Variants in ZNF44 observed in about 807,000 individuals in gnomAD.
The protein encoded by ZNF44 is zinc finger protein 44.
ZNF44 carries 9 observed loss-of-function variants against 11.7 expected under a neutral mutation model. That is an observed-to-expected ratio of 0.77 (90% CI 0.46 to 1.35). The LOEUF (loss-of-function observed/expected upper bound fraction) is 1.35. Among genes scored for constraint, ZNF44 ranks in the 40% most tolerant of loss-of-function variants. ZNF44 has a pLI of 0.00. For synonymous variants in ZNF44, 224 were observed against 242.7 expected (o/e 0.92, Z 0.72); for missense variants, 696 against 743.1 (o/e 0.94, Z 0.74).
At chr19:12,225,910 A>T (rs1915896866), downstream of ZNF44, among the ~76,000 whole-genome samples, 1 of 152,178 alleles carries the variant, frequency 6.6e-6, no homozygotes. Context: ...TCAAGTTTTC[A>T]GTTTATAGGG....
chr19:12,225,208 G>A (rs1915865261), downstream of ZNF44: 1 of 152,368 alleles, frequency 6.6e-6, no homozygotes, highest in African/African-American at 2.4e-5. Context: ...GTTGGTAGGA[G>A]CAGTGCCGTC....
At chr19:12,287,095 A>G (rs1405976970) in intron 1 of ZNF44, among the ~76,000 whole-genome samples, 1 of 151,102 alleles carries the variant, frequency 6.6e-6, no homozygotes, top group African/African-American at 2.4e-5. Context: ...ATATATATAT[A>G]TTCATGGAGT....
chr19:12,257,798 C>CAAA (rs1221289652), intron 5 of ZNF44, among the ~76,000 whole-genome samples: 3 of 53,668 alleles, frequency 5.6e-5, no homozygotes, highest in African/African-American at 1.3e-4. Context: ...AACTCTGTCT[C>CAAA]AAAAAAAAAA....
At chr19:12,279,754 TACA>T (rs1252516676) in intron 1 of ZNF44, among the ~76,000 whole-genome samples, 1 of 149,094 alleles carries the variant, frequency 6.7e-6, no homozygotes, top group Non-Finnish European at 1.5e-5. Context: ...AGCTGCAAGA[TACA>T]ACAACTTAAA....
chr19:12,246,460 T>A (rs897806984), downstream of ZNF44, among the ~76,000 whole-genome samples: 1 of 152,162 alleles, frequency 6.6e-6, no homozygotes, highest in Non-Finnish European at 1.5e-5. Flanking sequence ...AATATATATA[T>A]AATGGATAAG....
At chr19:12,243,287 C>G (rs1916680001), downstream of ZNF44, among the ~76,000 whole-genome samples, 1 of 152,188 alleles carries the variant, frequency 6.6e-6, no homozygotes, top group East Asian at 1.9e-4. Context: ...ATTAAATCTC[C>G]AGAACGTGTT....
chr19:12,285,209 G>C, intron 1 of ZNF44: 1 of 445,008 alleles, frequency 2.2e-6, no homozygotes, highest in South Asian at 5.1e-5. Context: ...GAAAAATAAA[G>C]TAAATTAAGC....
chr19:12,294,138 C>T (rs987803285), intron 1 of ZNF44, among the ~76,000 whole-genome samples: 13 of 152,164 alleles, frequency 8.5e-5, no homozygotes, highest in African/African-American at 3.1e-4. Flanking sequence ...GAAAGGCTGG[C>T]GCCAAGCAGG....
At chr19:12,291,515 C>T (rs191907391) in intron 1 of ZNF44, among the ~76,000 whole-genome samples, 12 of 149,846 alleles carry the variant, frequency 8.0e-5, no homozygotes, top group East Asian at 2.0e-4. Context: ...CTGGGCGACA[C>T]GGTGAAACCC....
chr19:12,279,303 T>C (rs1967368151), intron 1 of ZNF44, among the ~76,000 whole-genome samples: 1 of 152,076 alleles, frequency 6.6e-6, no homozygotes, highest in Admixed American at 6.6e-5. Context: ...GGAGGACCAC[T>C]TGAGGCCAGG....
intron 1 of ZNF44, chr19:12,285,079 C>G: frequency 4.5e-6 from 3 of 660,570 alleles, no homozygotes; most frequent in Admixed American, 4.7e-5. Context: ...TGGAAGGAGA[C>G]TGTATTCACC....
chr19:12,254,784 A>G (rs371574928), intron 5 of ZNF44, among the ~76,000 whole-genome samples: 2 of 152,032 alleles, frequency 1.3e-5, no homozygotes. Flanking sequence ...ATGAAAATAC[A>G]GCTTATTAAA....
chr19:12,239,598 TAG>T (rs907828563), upstream of ZNF44, among the ~76,000 whole-genome samples: 1 of 113,688 alleles, frequency 8.8e-6, no homozygotes, highest in African/African-American at 3.4e-5. Flanking sequence ...TTTTTTGAGA[TAG>T]AGTCTAACTC....
At chr19:12,248,022 C>T (rs752841780) in exon 8 of ZNF44, 5 of 1,340,192 alleles carry the variant, frequency 3.7e-6, no homozygotes, top group Non-Finnish European at 4.9e-6. Flanking sequence ...ACATTTTTTA[C>T]ATTCATAGGG....
chr19:12,237,480 C>T (rs1916436491), exon 1 of ZNF44: 3 of 167,190 alleles, frequency 1.8e-5, no homozygotes, highest in South Asian at 3.1e-4. Context: ...TGTCCCGGGT[C>T]CTCCCTTGGC....
At chr19:12,281,448 TAA>T (rs1309569163) in intron 1 of ZNF44, among the ~76,000 whole-genome samples, 13 of 152,168 alleles carry the variant, frequency 8.5e-5, no homozygotes, top group Admixed American at 3.9e-4. Flanking sequence ...GAGGGAAATT[TAA>T]AGAATTAAAT....
chr19:12,273,013 A>G lies in ZNF44; in HGVS notation c.1242T>C (p.Thr414=), dbSNP rs367965667. 1.2e-5 allele frequency: 20 copies of G among 1,613,964 alleles called. No individual in the cohort carries two copies. The African/African-American group carries it at 2.5e-4, about 20-fold the overall frequency. Residue 414 remains threonine, a synonymous_variant, in exon 4 of 4, where the codon ACT becomes ACC. Coordinates refer to ENST00000355684, the MANE Select transcript of ZNF44 (RefSeq NM_016264.4). ...ATTCATAGGGTTTCTCTCCAGTGTG[A>G]GTCCTTTCATGTCTTTGAAATACAC... ...SPSVFQRHER[T]HTGEKPYECK... is the part of the protein sequence containing the mutation.
chr19:12,254,616 T>G (rs999607730), intron 5 of ZNF44, among the ~76,000 whole-genome samples: 3 of 152,126 alleles, frequency 2.0e-5, no homozygotes, highest in Middle Eastern at 3.2e-3. Context: ...GCACCTGTAA[T>G]CTCAGCTACT....
chr19:12,268,832 C>G (rs1168661625), downstream of ZNF44, among the ~76,000 whole-genome samples: 1 of 152,000 alleles, frequency 6.6e-6, no homozygotes, highest in Admixed American at 6.6e-5. Context: ...CAATCTCACC[C>G]TGCCAAGCTC....
Sources: allele counts gnomAD v4.1 joint callset (sites outside exome capture counted in the v4.1 genomes callset), GRCh38; gene constraint gnomAD v4.1.1; transcripts MANE v1.5; gene names NCBI Gene and HGNC (gene_info 2026-07-23, HGNC 2026-07-21).